SLC13A2: variants seen among roughly 807,000 people sequenced by gnomAD.
The protein encoded by SLC13A2 is solute carrier family 13 member 2, also known as Na(+)-coupled citrate transporter.
SLC13A2 carries 40 observed loss-of-function variants against 58.5 expected under a neutral mutation model. The observed-to-expected ratio is 0.68, with a 90% CI of 0.53 to 0.89. The LOEUF (loss-of-function observed/expected upper bound fraction) is 0.89, where lower values mean the gene tolerates loss of function less well. Among genes scored for constraint, SLC13A2 ranks in the 40% least tolerant of loss-of-function variants. The pLI, the probability that SLC13A2 is intolerant of heterozygous loss-of-function variation, is 0.00. For synonymous variants in SLC13A2, 341 were observed against 331.6 expected, an observed-to-expected ratio of 1.03 and a Z score of -0.31; for missense variants, 694 against 772.6, an observed-to-expected ratio of 0.90 and a Z score of 1.21.
intron 1 of SLC13A2, among the ~76,000 whole-genome samples, chr17:28,478,995 ATCGCTTGAGT>A (rs2068737182): frequency 6.6e-6 from 1 of 152,084 alleles, no homozygotes; most frequent in African/African-American, 2.4e-5. Flanking sequence ...AGGTGGGTGG[ATCGCTTGAGT>A]TCAGGAGTTC....
chr17:28,486,965 T>C (rs537872310), intron 1 of SLC13A2, among the ~76,000 whole-genome samples: 1 of 152,166 alleles, frequency 6.6e-6, no homozygotes, highest in East Asian at 1.9e-4. Context: ...AACCAGCTAA[T>C]TCTTGTATTT....
At position 28,490,545 on chromosome 17, in the gene SLC13A2, G is replaced by T. The variant is rs782102114; in HGVS notation, c.323G>T (p.Arg108Leu). Reference protein sequence around the residue: ...IAVEHWNLHKRIALRVLLIVG... With the variant: ...IAVEHWNLHKLIALRVLLIVG... ...GTGGAACACTGGAACCTGCATAAAC[G>T]CATCGCCCTCCGTGTCCTCCTCATC... Residue 108 changes from arginine to leucine, a missense_variant, in exon 3 of 12, where the codon CGC becomes CTC. By Grantham distance (102) the Arg-to-Leu change is moderately radical. Transcript: ENST00000314669. The T allele has an allele frequency of 1.9e-6, 3 of 1,612,502 alleles. No homozygotes were observed. The highest frequency in any genetic ancestry group is 1.7e-5 in the Admixed American group (1 of 59,952).
In SLC13A2 at chr17:28,496,404, G is replaced by C. The variant is rs760006974; in HGVS notation, c.1471-46G>C. ...AATTGGGGGCCATGCCCCTCCCTCT[G>C]GCTTGGGGACCAAGTTCAGCTCTGC... On this transcript the variant is annotated intron_variant, in intron 10 of 11. Coordinates refer to ENST00000314669, the MANE Select transcript of SLC13A2 (RefSeq NM_003984.4). The surrounding 1 kb of genome is among the most constrained non-coding windows in gnomAD (Gnocchi z 4.2). 7.7e-6 allele frequency: 12 copies of C among 1,555,390 alleles called. No homozygotes were observed. Among genetic ancestry groups the C allele is most frequent in the Non-Finnish European group, 1.0e-5 (12 of 1,146,306 alleles).
chr17:28,486,984 G>A (rs2068894315), intron 1 of SLC13A2, among the ~76,000 whole-genome samples: 1 of 152,068 alleles, frequency 6.6e-6, no homozygotes, highest in Admixed American at 6.5e-5. Context: ...TTTTAGTAGA[G>A]ACTGGGTTTT....
At chr17:28,474,320 G>A (rs1050801417) in intron 1 of SLC13A2, among the ~76,000 whole-genome samples, 2 of 152,110 alleles carry the variant, frequency 1.3e-5, no homozygotes, top group African/African-American at 4.8e-5. Flanking sequence ...GGCTAAGTCT[G>A]TGGAGGAGGA....
intron 2 of SLC13A2, 131 bp from the exon 3 acceptor site, chr17:28,490,323 T>G (rs2068978691): frequency 6.2e-7 from 1 of 1,606,108 alleles, no homozygotes; most frequent in African/African-American, 1.3e-5. Flanking sequence ...CAGAGACCAT[T>G]TCCATCCAGT....
chr17:28,491,761 T>C lies in SLC13A2; in HGVS notation c.787T>C (p.Phe263Leu). 1.2e-6 allele frequency: 2 copies of C among 1,614,180 alleles called. No individual in the cohort carries two copies. The highest frequency in any genetic ancestry group is 1.7e-6 in the Non-Finnish European group (2 of 1,180,028). The change falls in exon 6 of 12, where the codon TTC becomes CTC. Residue 263 changes from phenylalanine (F) to leucine (L), a missense_variant. Phe to Leu is a conservative substitution (Grantham distance 22). Coordinates refer to ENST00000314669, the MANE Select transcript of SLC13A2 (RefSeq NM_003984.4). Reference protein sequence around the residue: ...LFPQNGNVVNFASWFSFAFPT... With the variant: ...LFPQNGNVVNLASWFSFAFPT... ...CCCCCAAAACGGCAACGTGGTGAAC[T>C]TCGCCTCCTGGTTCAGCTTCGCCTT...
At position 28,490,540 on chromosome 17, in the gene SLC13A2, T is replaced by A. The variant is rs1555603068; in HGVS notation, c.318T>A (p.His106Gln). 6.2e-7 allele frequency: 1 copy of A among 1,613,388 alleles called. No homozygotes were observed. The highest frequency in any genetic ancestry group is 8.5e-7 in the Non-Finnish European group (1 of 1,179,452). ...VAIAVEHWNL[H>Q]KRIALRVLLI... ...TCGCGGTGGAACACTGGAACCTGCA[T>A]AAACGCATCGCCCTCCGTGTCCTCC... is the stretch of plus-strand genomic sequence containing the variant. Residue 106 changes from histidine (H) to glutamine (Q), a missense_variant, in exon 3 of 12, where the codon CAT becomes CAA. Transcript: ENST00000314669.
Position 28,496,781 on chromosome 17 carries a change from G to A in SLC13A2, c.1608+194G>A, listed in dbSNP as rs546059783. Among the ~76,000 whole-genome samples, 1 of 152,196 alleles carries A rather than the reference G, an allele frequency of 6.6e-6. No homozygotes were observed. The highest frequency in any genetic ancestry group is 1.5e-5 in the Non-Finnish European group (1 of 68,040). On this transcript the variant is annotated intron_variant, in intron 11 of 11. Coordinates refer to ENST00000314669, the MANE Select transcript of SLC13A2 (RefSeq NM_003984.4). The surrounding 1 kb of genome is among the most constrained non-coding windows in gnomAD (Gnocchi z 4.2). The stretch of plus-strand genomic sequence containing the variant: ...CATCTTCAGGCCCTGCCAGCCCCAG[G>A]CTATGTGAGAGGGAGGGAAGTGGGT...
At position 28,497,118 on chromosome 17, in the gene SLC13A2, TCAA is replaced by T; in HGVS notation, c.1631_1633del (p.Asn544del). 6.2e-7 allele frequency: 1 copy of T among 1,614,060 alleles called. No homozygotes were observed. The highest frequency in any genetic ancestry group is 8.5e-7 in the Non-Finnish European group (1 of 1,179,976). ...CACCAGGCCCGGGCAGGATTCCTCCTCAACATCATTGGAGTCCTGATCATCGCA... is the reference window on the plus strand; with the variant it reads ...CACCAGGCCCGGGCAGGATTCCTCCTCATCATTGGAGTCCTGATCATCGCA... On this transcript the variant is annotated inframe_deletion, in exon 12 of 12. Transcript: ENST00000314669.
At chr17:28,492,019 G>A (rs2069037787) in intron 6 of SLC13A2, among the ~76,000 whole-genome samples, 167 bp downstream of exon 6, 1 of 152,156 alleles carries the variant, frequency 6.6e-6, no homozygotes, top group Non-Finnish European at 1.5e-5. Flanking sequence ...AAATTACTGG[G>A]TAGAGAGTAT....
rs375312186 is a variant in SLC13A2, at chr17:28,493,775, T to G, written c.1083T>G (p.Asn361Lys). 1.2e-6 allele frequency: 2 copies of G among 1,614,102 alleles called. No individual in the cohort carries two copies. Among genetic ancestry groups the G allele is most frequent in the East Asian group, 4.5e-5 (2 of 44,880 alleles). ...FLGWGNLAFP[N>K]AKGESMVSDG... is the part of the protein sequence containing the mutation. Reference sequence around the variant, plus strand: ...GCTGGGGCAATTTGGCTTTTCCCAATGCCAAGGGGGAGAGGTGAGAGTTGC... The same window carrying G: ...GCTGGGGCAATTTGGCTTTTCCCAAGGCCAAGGGGGAGAGGTGAGAGTTGC... Residue 361 changes from asparagine (N) to lysine (K), a missense_variant, in exon 7 of 12, where the codon AAT (asparagine) becomes AAG (lysine). Asn to Lys is a moderately conservative substitution (Grantham distance 94). Coordinates refer to ENST00000314669, the MANE Select transcript of SLC13A2 (RefSeq NM_003984.4).
chr17:28,492,309 GGGGTC>G (rs1279007205), intron 6 of SLC13A2, among the ~76,000 whole-genome samples: 4 of 137,374 alleles, frequency 2.9e-5, no homozygotes, highest in African/African-American at 1.5e-4. Context: ...ATGATATGGT[GGGGTC>G]ACGACAGAGG....
rs1300222932 is a variant in SLC13A2 at position 28,496,030 on chromosome 17, C to A, written c.1470+214C>A. ...CTCACCCCGTCCCTCATGATGTCAC[C>A]CCTGGAGTATCCTGATGGGGATCCT... On this transcript the variant is annotated intron_variant, in intron 10 of 11. Transcript: ENST00000314669. The surrounding 1 kb of genome is among the most constrained non-coding windows in gnomAD (Gnocchi z 4.2). Among the ~76,000 whole-genome samples, 1 of 152,118 alleles carries A rather than the reference C, an allele frequency of 6.6e-6. No individual in the cohort carries two copies. The highest frequency in any genetic ancestry group is 1.5e-5 in the Non-Finnish European group (1 of 68,004).
intron 1 of SLC13A2, among the ~76,000 whole-genome samples, chr17:28,475,366 G>A (rs2068653113): frequency 6.6e-6 from 1 of 152,136 alleles, no homozygotes; most frequent in African/African-American, 2.4e-5. Flanking sequence ...TCCTGTCTAG[G>A]AGAGGCCAGC....
At position 28,496,929 on chromosome 17, in the gene SLC13A2, A is replaced by T. The variant is rs1420751867; in HGVS notation, c.1609-170A>T. On this transcript the variant is annotated intron_variant, in intron 11 of 11. Transcript: ENST00000314669. The surrounding 1 kb of genome is among the most constrained non-coding windows in gnomAD (Gnocchi z 4.2). The stretch of plus-strand genomic sequence containing the variant: ...GCCCCTTTCCCCTGTTAGCACAGGG[A>T]GTAAAGCAAGGGGCAAAGGCATTGG... Among the ~76,000 whole-genome samples the T allele has an allele frequency of 6.6e-6, 1 of 152,206 alleles. No homozygotes were observed. Among genetic ancestry groups the T allele is most frequent in the Non-Finnish European group, 1.5e-5 (1 of 68,026 alleles).
At chr17:28,486,648 A>G (rs1267927050) in intron 1 of SLC13A2, among the ~76,000 whole-genome samples, 1 of 152,086 alleles carries the variant, frequency 6.6e-6, no homozygotes, top group African/African-American at 2.4e-5. Context: ...CAGTGTTCTG[A>G]GAGGCCCCCT....
chr17:28,494,227 C>T lies in SLC13A2; in HGVS notation c.1186+122C>T. On this transcript the variant is annotated intron_variant, in intron 8 of 11. Coordinates refer to ENST00000314669, the MANE Select transcript of SLC13A2 (RefSeq NM_003984.4). This position sits in a 1 kb window ranked among gnomAD's most constrained non-coding sequence, Gnocchi z 4.0. ...GCCCAGAAAGGCTGGAGCGACTTGC[C>T]AAGGGCACAGGGACTCGGAGACAAA... The T allele has an allele frequency of 6.7e-7, 1 of 1,486,274 alleles. No individual in the cohort carries two copies. Among genetic ancestry groups the T allele is most frequent in the Non-Finnish European group, 9.3e-7 (1 of 1,073,252 alleles). The allele number at this position is 1,486,274 out of a possible 1,614,324, so 92.1% of individuals were successfully genotyped here.
rs963590945 is a variant in SLC13A2 at position 28,496,857 on chromosome 17, T to A, written c.1609-242T>A. Reference sequence around the variant, plus strand: ...TGCCAGGCACCCACACTCAGGGAGATGAGCTCAGAGAGAACAAGCCCAGGG... The same window carrying A: ...TGCCAGGCACCCACACTCAGGGAGAAGAGCTCAGAGAGAACAAGCCCAGGG... On this transcript the variant is annotated intron_variant, in intron 11 of 11. Coordinates refer to ENST00000314669, the MANE Select transcript of SLC13A2 (RefSeq NM_003984.4). This position sits in a 1 kb window ranked among gnomAD's most constrained non-coding sequence, Gnocchi z 4.2. Among the ~76,000 whole-genome samples the A allele has an allele frequency of 6.6e-6, 1 of 152,144 alleles. No homozygotes were observed. Among genetic ancestry groups the A allele is most frequent in the South Asian group, 2.1e-4 (1 of 4,826 alleles).
Sources: allele counts gnomAD v4.1 joint callset (sites outside exome capture counted in the v4.1 genomes callset), GRCh38; gene constraint gnomAD v4.1.1; non-coding constraint Gnocchi (gnomAD v3.1); transcripts MANE v1.5; gene names NCBI Gene and HGNC (gene_info 2026-07-23, HGNC 2026-07-21).